The following PIK3CB variants were observed in gnomAD, a reference collection of about 807,000 sequenced individuals.
PIK3CB encodes phosphatidylinositol 4,5-bisphosphate 3-kinase catalytic subunit beta isoform.
Under a neutral mutation model 136.8 loss-of-function variants are expected in PIK3CB, and 39 were observed. The ratio of observed to expected loss-of-function variants is 0.29; its 90% CI spans 0.22 to 0.37. PIK3CB has a LOEUF of 0.37. Among genes scored for constraint, PIK3CB ranks in the 10% least tolerant of loss-of-function variants. PIK3CB has a pLI of 1.00. For synonymous variants in PIK3CB, 428 were observed against 436.6 expected, an observed-to-expected ratio of 0.98 and a Z score of 0.25; for missense variants, 868 against 1,275.4, an observed-to-expected ratio of 0.68 and a Z score of 4.87.
intron 22 of PIK3CB, among the ~76,000 whole-genome samples, chr3:138,657,035 G>A (rs1031130165): frequency 1.3e-5 from 2 of 152,136 alleles, no homozygotes; most frequent in African/African-American, 4.8e-5. Context: ...CCAAAGTGCT[G>A]AGATTACAGG....
chr3:138,707,334 A>G, intron 10 of PIK3CB, 45 bp from the exon 11 acceptor site: 1 of 1,561,746 alleles, frequency 6.4e-7, no homozygotes, highest in Non-Finnish European at 8.6e-7. Context: ...TGTCTTTAAA[A>G]CTAGGCTTTA....
In PIK3CB at chr3:138,707,272, A is replaced by C. The variant is rs761976401; in HGVS notation, c.1417T>G (p.Leu473Val). 3 of 1,600,554 alleles carry C rather than the reference A, an allele frequency of 1.9e-6. No homozygotes were observed. In the East Asian group the frequency reaches 6.7e-5, roughly 36 times the overall value. Residue 473 changes from leucine (L) to valine (V), a missense_variant, in exon 11 of 24, where the codon TTG becomes GTG. By Grantham distance (32) the Leu-to-Val change is conservative. Transcript: ENST00000674063. ...SSFPDELEEMLNPMGTVQTNP... is the reference protein window; with the variant it reads ...SSFPDELEEMVNPMGTVQTNP... ...GTTTGAACAGTTCCCATTGGATTCA[A>C]CATTTCTTCGAGTTCATCTAAAACA...
At chr3:138,718,749 A>G (rs2044664056) in intron 8 of PIK3CB, among the ~76,000 whole-genome samples, 3 of 152,192 alleles carry the variant, frequency 2.0e-5, no homozygotes, top group African/African-American at 7.2e-5. Context: ...TCCAGCTTCA[A>G]TCATCTACAT....
At chr3:138,678,464 G>A (rs749097036) in intron 19 of PIK3CB, among the ~76,000 whole-genome samples, 5 of 151,772 alleles carry the variant, frequency 3.3e-5, no homozygotes, top group Admixed American at 6.6e-5. Context: ...GGAAATAAAT[G>A]AGAAAAAGGA....
chr3:138,664,949 T>A (rs2108421627), intron 20 of PIK3CB, 87 bp downstream of exon 20: 1 of 831,066 alleles, frequency 1.2e-6, no homozygotes, highest in South Asian at 2.9e-5. Flanking sequence ...ATATTTCCTC[T>A]AACACACTGC....
chr3:138,816,106 A>T (rs1363150615), intron 1 of PIK3CB, among the ~76,000 whole-genome samples: 1 of 152,114 alleles, frequency 6.6e-6, no homozygotes, highest in East Asian at 1.9e-4. Flanking sequence ...GCTTGAGACC[A>T]GCCTGGGCAA....
chr3:138,721,615 T>C (rs1395344946), intron 8 of PIK3CB, among the ~76,000 whole-genome samples: 1 of 152,228 alleles, frequency 6.6e-6, no homozygotes, highest in Non-Finnish European at 1.5e-5. Context: ...AAAATATGCA[T>C]ACAGAATTTC....
chr3:138,699,069 A>T lies in PIK3CB; in HGVS notation c.1608T>A (p.Pro536=), dbSNP rs1266900953. Residue 536 remains proline, a synonymous_variant, in exon 13 of 24, where the codon CCT becomes CCA. Transcript: ENST00000674063. The stretch of plus-strand genomic sequence containing the variant: ...CCCTGTCCAAGATTTCTTTCAATAC[A>T]GGAAGAAACTTTTTTCCACCTCGAC... ...VSSRGGKKFL[P]VLKEILDRDP... 6.4e-7 allele frequency: 1 copy of T among 1,574,104 alleles called. No homozygotes were observed. The highest frequency in any genetic ancestry group is 8.7e-7 in the Non-Finnish European group (1 of 1,153,768).
At chr3:138,691,271 CT>C (rs1358235109) in intron 14 of PIK3CB, 128 bp from the exon 15 acceptor site, 1 of 757,606 alleles carries the variant, frequency 1.3e-6, no homozygotes, top group East Asian at 2.6e-5. Context: ...TTGTTACATG[CT>C]TTCCTTCACT....
chr3:138,816,676 G>C (rs1933347883), intron 1 of PIK3CB, among the ~76,000 whole-genome samples: 1 of 151,906 alleles, frequency 6.6e-6, no homozygotes, highest in Non-Finnish European at 1.5e-5. Flanking sequence ...AGTTTCACTG[G>C]AGATTGTCAG....
chr3:138,728,570 G>A (rs551079712), intron 8 of PIK3CB, among the ~76,000 whole-genome samples: 3 of 152,040 alleles, frequency 2.0e-5, no homozygotes, highest in Non-Finnish European at 4.4e-5. Context: ...GAGGTCAGGA[G>A]ATCGAGACCA....
chr3:138,707,952 G>A (rs143763554), intron 10 of PIK3CB, among the ~76,000 whole-genome samples: 96 of 152,126 alleles, frequency 6.3e-4, no homozygotes, highest in African/African-American at 2.0e-3. Flanking sequence ...TCTGGAGTTC[G>A]CATCATATAA....
chr3:138,693,463 A>T (rs994621906), intron 14 of PIK3CB, among the ~76,000 whole-genome samples: 16 of 151,770 alleles, frequency 1.1e-4, no homozygotes, highest in African/African-American at 3.9e-4. Context: ...CAGTGGTACG[A>T]TCTCTGCCCA....
At chr3:138,681,939 T>C (rs770042913) in intron 19 of PIK3CB, 28 bp downstream of exon 19, 1 of 1,345,110 alleles carries the variant, frequency 7.4e-7, no homozygotes, top group South Asian at 1.3e-5. Flanking sequence ...GACATTAGAC[T>C]GAAAAAAAAA....
intron 1 of PIK3CB, among the ~76,000 whole-genome samples, chr3:138,816,220 T>C (rs1340065435): frequency 6.6e-6 from 1 of 152,120 alleles, no homozygotes; most frequent in Non-Finnish European, 1.5e-5. Context: ...GGAGGATTGT[T>C]TGAGACCAGG....
At chr3:138,720,177 C>G (rs976361367) in intron 8 of PIK3CB, among the ~76,000 whole-genome samples, 1 of 152,160 alleles carries the variant, frequency 6.6e-6, no homozygotes, top group Non-Finnish European at 1.5e-5. Flanking sequence ...TAAATATCTC[C>G]AACTAGGTAC....
At chr3:138,671,445 C>G (rs1423212483) in intron 19 of PIK3CB, among the ~76,000 whole-genome samples, 1 of 151,944 alleles carries the variant, frequency 6.6e-6, no homozygotes, top group African/African-American at 2.4e-5. Flanking sequence ...GTTGCAGATA[C>G]TAAATCACAT....
At chr3:138,732,120 C>T (rs2044989620) in intron 8 of PIK3CB, among the ~76,000 whole-genome samples, 1 of 152,100 alleles carries the variant, frequency 6.6e-6, no homozygotes, top group Non-Finnish European at 1.5e-5. Context: ...GAATGAAGTG[C>T]TTGCTACACA....
At position 138,653,965 on chromosome 3, in the gene PIK3CB, G is replaced by T; in HGVS notation, c.*1424C>A. The stretch of plus-strand genomic sequence containing the variant: ...TCTACTGACTTGGCCATTTCTTGGA[G>T]TTCCAGTGCCAAGTTCCAAAGGCCC... On this transcript the variant is annotated 3_prime_UTR_variant, in exon 24 of 24. Coordinates refer to ENST00000674063, the MANE Select transcript of PIK3CB (RefSeq NM_006219.3). 5.0e-6 allele frequency: 1 copy of T among 198,510 alleles called. No individual in the cohort carries two copies. 12.3% of individuals were successfully genotyped at this position (198,510 alleles called of 1,614,324 possible).
Sources: allele counts gnomAD v4.1 joint callset (sites outside exome capture counted in the v4.1 genomes callset), GRCh38; gene constraint gnomAD v4.1.1; transcripts MANE v1.5; gene names NCBI Gene and HGNC (gene_info 2026-07-23, HGNC 2026-07-21).